LRRC4C: variants seen among roughly 807,000 people sequenced by gnomAD.
The protein encoded by LRRC4C is leucine-rich repeat-containing protein 4C.
LRRC4C carries 5 observed loss-of-function variants against 33.6 expected under a neutral mutation model. The ratio of observed to expected loss-of-function variants is 0.15; its 90% CI spans 0.08 to 0.31. The LOEUF is 0.31. Among genes scored for constraint, LRRC4C ranks in the 10% least tolerant of loss-of-function variants. LRRC4C has a pLI of 1.00. For missense variants in LRRC4C, 560 were observed against 796.7 expected (o/e 0.70, Z 3.58); for synonymous variants, 329 against 302.0 (o/e 1.09, Z -0.93).
chr11:41,364,342 G>C (rs539362590), intron 1 of LRRC4C, among the ~76,000 whole-genome samples: 1 of 152,018 alleles, frequency 6.6e-6, no homozygotes, highest in African/African-American at 2.4e-5. Context: ...GCAATGGTGC[G>C]ATCTAGGCTC....
chr11:40,912,266 G>A (rs1956733791), intron 2 of LRRC4C, among the ~76,000 whole-genome samples: 1 of 152,054 alleles, frequency 6.6e-6, no homozygotes, highest in Admixed American at 6.5e-5. Context: ...AAGTTGAAAT[G>A]AAGGAAAAAA....
intron 3 of LRRC4C, among the ~76,000 whole-genome samples, chr11:40,409,350 T>C (rs1247700579): frequency 2.0e-5 from 3 of 151,230 alleles, no homozygotes; most frequent in Non-Finnish European, 4.4e-5. Context: ...AATTGATATA[T>C]CCCCCAAGAG....
intron 1 of LRRC4C, among the ~76,000 whole-genome samples, chr11:41,445,620 G>T (rs567792939): frequency 1.3e-5 from 2 of 151,974 alleles, no homozygotes; most frequent in Non-Finnish European, 2.9e-5. Context: ...TTTAAATCTT[G>T]AATTCCCTAC....
At chr11:40,430,869 T>A (rs576716006) in intron 3 of LRRC4C, among the ~76,000 whole-genome samples, 1 of 141,404 alleles carries the variant, frequency 7.1e-6, no homozygotes, top group Non-Finnish European at 1.5e-5. Flanking sequence ...ACACCGCATA[T>A]TCTCACTCAT....
intron 1 of LRRC4C, among the ~76,000 whole-genome samples, chr11:41,029,117 G>A (rs1381575): frequency 0.64 from 97,127 of 151,598 alleles, 31,623 homozygotes; most frequent in Non-Finnish European, 0.69. Context: ...GCAAAAGCCT[G>A]TTTTTAGTAG....
At chr11:40,224,290 A>C (rs1451701943) in intron 5 of LRRC4C, among the ~76,000 whole-genome samples, 1 of 152,186 alleles carries the variant, frequency 6.6e-6, no homozygotes, top group African/African-American at 2.4e-5. Context: ...CCTAGCATTT[A>C]TATCTTTTAT....
intron 1 of LRRC4C, among the ~76,000 whole-genome samples, chr11:41,350,057 T>C (rs2137557209): frequency 6.6e-6 from 1 of 152,220 alleles, no homozygotes; most frequent in South Asian, 2.1e-4. Context: ...TCAGATAGCC[T>C]CTGGAAAACT....
intron 2 of LRRC4C, among the ~76,000 whole-genome samples, chr11:40,866,113 C>A (rs917831486): frequency 6.8e-6 from 1 of 146,784 alleles, no homozygotes. Flanking sequence ...TAGAACAGAC[C>A]GATCAATAAC....
chr11:40,396,236 AT>A (rs888039081), intron 3 of LRRC4C, among the ~76,000 whole-genome samples: 119 of 150,910 alleles, frequency 7.9e-4, no homozygotes, highest in African/African-American at 2.4e-3. Context: ...GTTTTTTATT[AT>A]TTTTTTTTCT....
At chr11:40,382,465 A>G (rs1172620021) in intron 3 of LRRC4C, among the ~76,000 whole-genome samples, 1 of 151,708 alleles carries the variant, frequency 6.6e-6, no homozygotes, top group African/African-American at 2.4e-5. Context: ...GAAAACATCA[A>G]TATGATCTAC....
intron 2 of LRRC4C, among the ~76,000 whole-genome samples, chr11:40,722,346 C>T (rs988469891): frequency 6.6e-6 from 1 of 152,172 alleles, no homozygotes; most frequent in African/African-American, 2.4e-5. Flanking sequence ...GGAGGTACCG[C>T]CGCTAAGCGC....
At chr11:40,304,995 G>A (rs748025654) in intron 4 of LRRC4C, among the ~76,000 whole-genome samples, 2 of 152,066 alleles carry the variant, frequency 1.3e-5, no homozygotes, top group Non-Finnish European at 2.9e-5. Flanking sequence ...TCAATCTCTT[G>A]ACCTCGTGAT....
At chr11:40,278,313 A>AT (rs1333878714) in intron 4 of LRRC4C, among the ~76,000 whole-genome samples, 1 of 152,142 alleles carries the variant, frequency 6.6e-6, no homozygotes, top group Non-Finnish European at 1.5e-5. Flanking sequence ...GAGATCTGGA[A>AT]TGGCGTATGT....
At chr11:40,708,731 G>T (rs920323769) in intron 2 of LRRC4C, among the ~76,000 whole-genome samples, 99 of 152,086 alleles carry the variant, frequency 6.5e-4, no homozygotes, top group Admixed American at 2.6e-4. Flanking sequence ...GGTCTGCTTG[G>T]TGTAGAGCTG....
At chr11:40,340,714 T>C (rs1946828642) in intron 3 of LRRC4C, among the ~76,000 whole-genome samples, 2 of 152,176 alleles carry the variant, frequency 1.3e-5, no homozygotes, top group African/African-American at 4.8e-5. Context: ...CAATTATACA[T>C]GTATCATTAT....
chr11:40,153,178 C>T (rs1404382433), intron 5 of LRRC4C, among the ~76,000 whole-genome samples: 3 of 152,136 alleles, frequency 2.0e-5, no homozygotes, highest in African/African-American at 7.2e-5. Context: ...TGGCTAGACC[C>T]AGAAGAAAGA....
chr11:40,168,781 T>G (rs747213125), intron 5 of LRRC4C, among the ~76,000 whole-genome samples: 1 of 152,202 alleles, frequency 6.6e-6, no homozygotes, highest in Non-Finnish European at 1.5e-5. Context: ...ATCCTTTACA[T>G]AACTAAGAAT....
chr11:40,885,830 T>C (rs1383033824), intron 2 of LRRC4C, among the ~76,000 whole-genome samples: 1 of 152,118 alleles, frequency 6.6e-6, no homozygotes, highest in Non-Finnish European at 1.5e-5. Flanking sequence ...CCATGTTAAA[T>C]ACTTATTAAA....
intron 3 of LRRC4C, among the ~76,000 whole-genome samples, chr11:40,398,703 G>A (rs1449314053): frequency 1.3e-5 from 2 of 152,084 alleles, no homozygotes; most frequent in East Asian, 1.9e-4. Context: ...TTGCACATTA[G>A]GACCCAGATG....
Sources: allele counts gnomAD v4.1 joint callset (sites outside exome capture counted in the v4.1 genomes callset), GRCh38; gene constraint gnomAD v4.1.1; transcripts MANE v1.5; gene names NCBI Gene and HGNC (gene_info 2026-07-23, HGNC 2026-07-21).